Variants in COL5A2 observed in about 807,000 individuals in gnomAD.
COL5A2 encodes the protein collagen alpha-2(V) chain.
A neutral mutation model predicts 208.2 loss-of-function variants in COL5A2; 23 were observed. The ratio of observed to expected loss-of-function variants is 0.11; its 90% CI spans 0.08 to 0.16. The LOEUF is 0.16. Among genes scored for constraint, COL5A2 ranks in the 10% least tolerant of loss-of-function variants. The probability of loss-of-function intolerance (pLI) is 1.00; values close to 1 mark genes in which losing one functional copy is unlikely to be tolerated. For missense variants in COL5A2, 1,590 were observed against 1,956.4 expected (o/e 0.81, Z 3.53); for synonymous variants, 625 against 628.5 (o/e 0.99, Z 0.08).
the COL5A2 span, among the ~76,000 whole-genome samples, chr2:189,257,747 C>A: frequency 2.0e-5 from 3 of 152,204 alleles, no homozygotes; most frequent in African/African-American, 7.2e-5. Context: ...TAGTAAAAGA[C>A]AACTTCCAAG....
At chr2:189,123,300 T>C (rs1285212790) in intron 1 of COL5A2, among the ~76,000 whole-genome samples, 1 of 152,158 alleles carries the variant, frequency 6.6e-6, no homozygotes, top group Non-Finnish European at 1.5e-5. Flanking sequence ...GTCTCAGAAA[T>C]GAATGGAGGA....
chr2:189,347,971 AAAG>A, the COL5A2 span, among the ~76,000 whole-genome samples: 1 of 152,180 alleles, frequency 6.6e-6, no homozygotes, highest in Non-Finnish European at 1.5e-5. Flanking sequence ...TTTTCAGTGA[AAAG>A]AAGGATTAAT....
the COL5A2 span, among the ~76,000 whole-genome samples, chr2:189,332,545 T>C: frequency 6.6e-6 from 1 of 152,218 alleles, no homozygotes; most frequent in South Asian, 2.1e-4. Flanking sequence ...GCTGTTCTCA[T>C]AATAGTGAAT....
At position 189,066,472 on chromosome 2, in the gene COL5A2, A is replaced by G. The variant is rs1686151889; in HGVS notation, c.1481T>C (p.Ile494Thr). 1 of 1,614,068 alleles carries G rather than the reference A, an allele frequency of 6.2e-7. No individual in the cohort carries two copies. Among genetic ancestry groups the G allele is most frequent in the South Asian group, 1.1e-5 (1 of 91,082 alleles). Residue 494 changes from isoleucine to threonine, a missense_variant, in exon 23 of 54, where the codon ATA becomes ACA. Ile to Thr is a moderately conservative substitution (Grantham distance 89). Coordinates refer to ENST00000374866, the MANE Select transcript of COL5A2 (RefSeq NM_000393.5). ...EPGPHGIQGP[I>T]GPPGEEGKRG... ...TTTGCCTTCTTCACCGGGTGGGCCT[A>G]TCGGACCCTGAATACCATGTGGCCC...
chr2:189,283,420 C>G, the COL5A2 span, among the ~76,000 whole-genome samples: 2 of 152,066 alleles, frequency 1.3e-5, no homozygotes, highest in Non-Finnish European at 2.9e-5. Context: ...CCCAAGAACT[C>G]ATAACCCCAG....
At chr2:189,051,735 C>CA (rs1449247617) in intron 41 of COL5A2, among the ~76,000 whole-genome samples, 3 of 152,096 alleles carry the variant, frequency 2.0e-5, no homozygotes, top group African/African-American at 7.2e-5. Flanking sequence ...AAGAGTGGTG[C>CA]AACTAACTTG....
At chr2:189,315,382 A>C in the COL5A2 span, among the ~76,000 whole-genome samples, 7 of 152,190 alleles carry the variant, frequency 4.6e-5, no homozygotes, top group African/African-American at 1.4e-4. Context: ...AAAATTCAAC[A>C]TCTGTTCATG....
intron 1 of COL5A2, among the ~76,000 whole-genome samples, chr2:189,138,005 T>G (rs542242667): frequency 1.6e-4 from 25 of 152,220 alleles, no homozygotes; most frequent in African/African-American, 5.8e-4. Context: ...AATGGAGTCT[T>G]GCTCAGTCAC....
chr2:189,301,718 A>C, the COL5A2 span, among the ~76,000 whole-genome samples: 1 of 152,216 alleles, frequency 6.6e-6, no homozygotes, highest in African/African-American at 2.4e-5. Flanking sequence ...AAATGCCTTG[A>C]ATGCAGAAGA....
At chr2:189,352,915 G>C in the COL5A2 span, among the ~76,000 whole-genome samples, 1 of 152,152 alleles carries the variant, frequency 6.6e-6, no homozygotes, top group Non-Finnish European at 1.5e-5. Context: ...GGTTTTTATA[G>C]TTTTAGGTCT....
At chr2:189,039,024 C>T (rs1022922740) in intron 51 of COL5A2, among the ~76,000 whole-genome samples, 3 of 152,064 alleles carry the variant, frequency 2.0e-5, no homozygotes, top group African/African-American at 4.8e-5. Flanking sequence ...CATACTGACT[C>T]GTGTGAGATG....
chr2:189,293,828 G>A, the COL5A2 span, among the ~76,000 whole-genome samples: 6 of 152,174 alleles, frequency 3.9e-5, no homozygotes, highest in Admixed American at 6.5e-5. Context: ...GCTCATGCCT[G>A]TAATCCCAGC....
the COL5A2 span, among the ~76,000 whole-genome samples, chr2:189,321,642 A>T: frequency 6.6e-6 from 1 of 152,362 alleles, no homozygotes; most frequent in African/African-American, 2.4e-5. Flanking sequence ...TGCACCCAAT[A>T]CAGGAGCACC....
At chr2:189,293,178 A>C in the COL5A2 span, among the ~76,000 whole-genome samples, 2 of 152,116 alleles carry the variant, frequency 1.3e-5, no homozygotes, top group Non-Finnish European at 2.9e-5. Context: ...TGGGTGCAGC[A>C]CACCAGCATG....
At chr2:189,309,578 G>T in the COL5A2 span, among the ~76,000 whole-genome samples, 1 of 152,056 alleles carries the variant, frequency 6.6e-6, no homozygotes, top group East Asian at 1.9e-4. Context: ...CACCTGCTTG[G>T]CCCTCTTCTA....
At position 189,052,790 on chromosome 2, in the gene COL5A2, C is replaced by T; in HGVS notation, c.2674G>A (p.Val892Ile). 6.2e-7 allele frequency: 1 copy of T among 1,614,148 alleles called. No individual in the cohort carries two copies. Among genetic ancestry groups the T allele is most frequent in the Non-Finnish European group, 8.5e-7 (1 of 1,180,008 alleles). Residue 892 changes from valine (V) to isoleucine (I), a missense_variant, in exon 40 of 54, where the codon GTT (valine) becomes ATT (isoleucine). Val to Ile is a conservative substitution (Grantham distance 29). Transcript: ENST00000374866. Reference sequence around the variant, plus strand: ...CCTCGACCACCTTTTAGTCCAGGAACACCATTAGGACCCTGAATAGAAACA... The same window carrying T: ...CCTCGACCACCTTTTAGTCCAGGAATACCATTAGGACCCTGAATAGAAACA... ...GSPGPHGPNGVPGLKGGRGTQ... is the reference protein window; with the variant it reads ...GSPGPHGPNGIPGLKGGRGTQ...
rs537341525 is a variant in COL5A2 at position 189,050,527 on chromosome 2, T to C, written c.3039+42A>G. 8 of 1,405,912 alleles carry C rather than the reference T, an allele frequency of 5.7e-6. No homozygotes were observed. In the Admixed American group the frequency reaches 1.2e-4, roughly 21 times the overall value. 87.1% of individuals were successfully genotyped at this position (1,405,912 alleles called of 1,614,324 possible). On this transcript the variant is annotated intron_variant, in intron 43 of 53. Transcript: ENST00000374866. ...AAATCAATTCTCTAAACAATTTGTA[T>C]TGCACATATGAGATAAAATATTGAC...
the COL5A2 span, among the ~76,000 whole-genome samples, chr2:189,250,554 C>T: frequency 3.2e-4 from 49 of 152,244 alleles, no homozygotes; most frequent in Non-Finnish European, 5.1e-4. Flanking sequence ...CAACCTCCTT[C>T]CCTCCCTTAC....
the COL5A2 span, among the ~76,000 whole-genome samples, chr2:189,423,463 A>G: frequency 6.6e-6 from 1 of 151,978 alleles, no homozygotes; most frequent in Admixed American, 6.5e-5. Flanking sequence ...TATTTTGAAA[A>G]GATTAGAAAA....
Sources: allele counts gnomAD v4.1 joint callset (sites outside exome capture counted in the v4.1 genomes callset), GRCh38; gene constraint gnomAD v4.1.1; transcripts MANE v1.5; gene names NCBI Gene and HGNC (gene_info 2026-07-23, HGNC 2026-07-21).